Variants in RAB3GAP1 observed in about 807,000 individuals in gnomAD.
RAB3GAP1 encodes the protein RAB3 GTPase activating protein catalytic subunit 1, also known as rab3 GTPase-activating protein catalytic subunit.
Under a neutral mutation model 130.7 loss-of-function variants are expected in RAB3GAP1, and 86 were observed. The observed-to-expected ratio is 0.66, with a 90% CI of 0.55 to 0.79. The LOEUF (loss-of-function observed/expected upper bound fraction) is 0.79. Among genes scored for constraint, RAB3GAP1 ranks in the 30% least tolerant of loss-of-function variants. The pLI, the probability that RAB3GAP1 is intolerant of heterozygous loss-of-function variation, is 0.00. For missense variants in RAB3GAP1, 1,029 were observed against 1,169.4 expected (o/e 0.88, Z 1.75); for synonymous variants, 367 against 401.7 (o/e 0.91, Z 1.03).
chr2:135,101,402 A>G (rs1690445420), intron 5 of RAB3GAP1, among the ~76,000 whole-genome samples: 1 of 152,244 alleles, frequency 6.6e-6, no homozygotes, highest in Admixed American at 6.5e-5. Flanking sequence ...CAATATATGC[A>G]TCTGTACTTA....
chr2:135,068,439 C>G (rs1269778342), intron 3 of RAB3GAP1, among the ~76,000 whole-genome samples: 3 of 150,988 alleles, frequency 2.0e-5, no homozygotes, highest in Non-Finnish European at 4.4e-5. Flanking sequence ...AGGAAGTAGA[C>G]TATAAAAATT....
intron 3 of RAB3GAP1, among the ~76,000 whole-genome samples, chr2:135,086,661 CTTTTTTT>C (rs59270938): frequency 6.1e-5 from 4 of 65,068 alleles, no homozygotes; most frequent in Non-Finnish European, 1.1e-4. Context: ...TTCCCCTAAT[CTTTTTTT>C]TTTTTTTTTT....
At chr2:135,175,566 T>C (rs1692983972), downstream of RAB3GAP1, 2 of 152,240 alleles carry the variant, frequency 1.3e-5, no homozygotes, top group South Asian at 4.1e-4. Context: ...TATATGCTCT[T>C]AGAGCAGATC....
intron 17 of RAB3GAP1, among the ~76,000 whole-genome samples, chr2:135,142,546 T>A (rs1412308577): frequency 6.6e-6 from 1 of 152,172 alleles, no homozygotes; most frequent in Non-Finnish European, 1.5e-5. Flanking sequence ...GGCTAGGACC[T>A]CCAGTACAGT....
chr2:135,061,398 G>A lies in RAB3GAP1; in HGVS notation c.150+3312G>A, dbSNP rs541223546. Among the ~76,000 whole-genome samples the A allele has an allele frequency of 2.6e-5, 4 of 152,260 alleles. No individual in the cohort carries two copies. In the South Asian group the frequency reaches 6.2e-4, roughly 24 times the overall value. On this transcript the variant is annotated intron_variant, in intron 3 of 23. Coordinates refer to ENST00000264158, the MANE Select transcript of RAB3GAP1 (RefSeq NM_012233.3). ...TTTTACCTGCCCACCATCAATACAT[G>A]GGAGGTTGTGTTGCTATACATTCTC...
chr2:135,088,688 CAA>C (rs1162700077), intron 3 of RAB3GAP1, among the ~76,000 whole-genome samples: 10 of 55,678 alleles, frequency 1.8e-4, no homozygotes, highest in African/African-American at 2.6e-4. Context: ...GACTCCATCT[CAA>C]AAAAAAAAAA....
intron 5 of RAB3GAP1, among the ~76,000 whole-genome samples, chr2:135,106,777 A>T (rs1690638437): frequency 6.6e-6 from 1 of 151,386 alleles, no homozygotes; most frequent in South Asian, 2.1e-4. Flanking sequence ...ATAAAAAAAT[A>T]AAAAAGTAAA....
At chr2:135,064,117 ATT>A (rs904031502) in intron 3 of RAB3GAP1, among the ~76,000 whole-genome samples, 2 of 151,950 alleles carry the variant, frequency 1.3e-5, no homozygotes, top group Non-Finnish European at 2.9e-5. Flanking sequence ...TGCTTTTGAG[ATT>A]TTTTTATTTA....
At chr2:135,119,188 AAC>A (rs2104925658) in intron 7 of RAB3GAP1, among the ~76,000 whole-genome samples, 1 of 149,064 alleles carries the variant, frequency 6.7e-6, no homozygotes, top group East Asian at 2.0e-4. Flanking sequence ...GGCTCACTGC[AAC>A]CTCTGCCTCC....
chr2:135,106,103 C>G (rs1690603920), intron 5 of RAB3GAP1, among the ~76,000 whole-genome samples: 1 of 150,456 alleles, frequency 6.6e-6, no homozygotes, highest in African/African-American at 2.5e-5. Context: ...AGGTGGGGGT[C>G]AGCCCCCGCC....
intron 2 of RAB3GAP1, among the ~76,000 whole-genome samples, chr2:135,056,083 G>A (rs529897102): frequency 3.9e-5 from 6 of 152,058 alleles, no homozygotes; most frequent in South Asian, 2.1e-4. Context: ...TGATCCGCCC[G>A]CCTCGGCCTC....
chr2:135,162,685 T>C, intron 20 of RAB3GAP1, 34 bp downstream of exon 20: 2 of 1,606,774 alleles, frequency 1.2e-6, no homozygotes, highest in Non-Finnish European at 1.7e-6. Flanking sequence ...ATTAGTCATT[T>C]CCAAAGTGAA....
chr2:135,112,598 C>T (rs1690836226), intron 5 of RAB3GAP1, among the ~76,000 whole-genome samples: 1 of 152,186 alleles, frequency 6.6e-6, no homozygotes, highest in African/African-American at 2.4e-5. Context: ...AGACACTTCT[C>T]CCACCAGCTG....
In RAB3GAP1 at chr2:135,124,085, A is replaced by G. The variant is rs938842925; in HGVS notation, c.749-80A>G. ...TTCTCTTGCAGACACTTTTAAAGCT[A>G]TGATATTCCAAAGGGCTTAACTAGA... is the stretch of plus-strand genomic sequence containing the variant. On this transcript the variant is annotated intron_variant, in intron 8 of 23. Transcript: ENST00000264158. The G allele has an allele frequency of 7.5e-6, 10 of 1,333,160 alleles. No individual in the cohort carries two copies. The African/African-American group carries it at 8.7e-5, about 12-fold the overall frequency. 82.6% of individuals were successfully genotyped at this position (1,333,160 alleles called of 1,614,324 possible). A position where few individuals can be genotyped will look rare whatever the true frequency, so the allele number is the denominator to read the frequency against.
chr2:135,128,387 A>G (rs1472102367), intron 11 of RAB3GAP1, among the ~76,000 whole-genome samples: 3 of 152,222 alleles, frequency 2.0e-5, no homozygotes, highest in Non-Finnish European at 2.9e-5. Flanking sequence ...TCATAGGGTT[A>G]TTGGGAGGAT....
chr2:135,084,672 T>C (rs1346426494), intron 3 of RAB3GAP1, among the ~76,000 whole-genome samples: 2 of 152,138 alleles, frequency 1.3e-5, no homozygotes, highest in Admixed American at 1.3e-4. Flanking sequence ...AAATATTTTC[T>C]AGTACCTTTG....
At chr2:135,131,276 G>T (rs533844076) in intron 13 of RAB3GAP1, among the ~76,000 whole-genome samples, 1 of 152,168 alleles carries the variant, frequency 6.6e-6, no homozygotes, top group South Asian at 2.1e-4. Flanking sequence ...ACCCAGACTG[G>T]AGTGCAGTGG....
chr2:135,065,180 A>C (rs1194929207), intron 3 of RAB3GAP1, among the ~76,000 whole-genome samples: 5 of 152,112 alleles, frequency 3.3e-5, no homozygotes, highest in Admixed American at 1.3e-4. Flanking sequence ...TCACCCTCAA[A>C]CTTTGTCCGG....
chr2:135,107,818 C>CA (rs1039734193), intron 5 of RAB3GAP1, among the ~76,000 whole-genome samples: 10 of 151,408 alleles, frequency 6.6e-5, no homozygotes, highest in African/African-American at 2.2e-4. Context: ...ACTAAAAATA[C>CA]AAAAAAATTA....
Sources: gnomAD v4.1 joint callset for allele counts (sites outside exome capture counted in the v4.1 genomes callset) on GRCh38, gnomAD v4.1.1 for gene constraint, MANE v1.5 for transcripts, NCBI Gene and HGNC (gene_info 2026-07-23, HGNC 2026-07-21) for gene names.